The following SVEP1 variants were observed in gnomAD, a reference collection of about 807,000 sequenced individuals.
SVEP1 encodes the protein sushi, von Willebrand factor type A, EGF and pentraxin domain-containing protein 1.
SVEP1 carries 164 observed loss-of-function variants against 367.3 expected under a neutral mutation model. The observed-to-expected ratio is 0.45, with a 90% CI of 0.39 to 0.51. SVEP1 has a LOEUF of 0.51. Among genes scored for constraint, SVEP1 ranks in the 20% least tolerant of loss-of-function variants. The pLI, the probability that SVEP1 is intolerant of heterozygous loss-of-function variation, is 0.00. For synonymous variants in SVEP1, 1,666 were observed against 1,611.6 expected (o/e 1.03, Z -0.81); for missense variants, 4,117 against 4,425.3 (o/e 0.93, Z 1.98).
At chr9:110,441,949 C>T (rs984702968) in intron 27 of SVEP1, among the ~76,000 whole-genome samples, 3 of 152,200 alleles carry the variant, frequency 2.0e-5, no homozygotes, top group Admixed American at 6.5e-5. Flanking sequence ...CATGGCTTTA[C>T]GTGATTTGGC....
intron 3 of SVEP1, among the ~76,000 whole-genome samples, chr9:110,514,998 AG>A (rs1829781988): frequency 1.3e-5 from 2 of 152,256 alleles, no homozygotes; most frequent in African/African-American, 4.8e-5. Context: ...TGAAGAAAAA[AG>A]AATTAAAGAC....
At chr9:110,401,593 T>C (rs1461299576) in intron 39 of SVEP1, among the ~76,000 whole-genome samples, 1 of 150,474 alleles carries the variant, frequency 6.6e-6, no homozygotes, top group Non-Finnish European at 1.5e-5. Context: ...ATAAATTTTA[T>C]AAAGAAATCC....
intron 43 of SVEP1, among the ~76,000 whole-genome samples, chr9:110,384,242 C>A (rs1165816919): frequency 6.6e-6 from 1 of 152,160 alleles, no homozygotes; most frequent in Non-Finnish European, 1.5e-5. Context: ...TGGGGTAGCA[C>A]AATCACTCAC....
At chr9:110,423,296 C>G (rs958239958) in intron 36 of SVEP1, among the ~76,000 whole-genome samples, 3 of 151,266 alleles carry the variant, frequency 2.0e-5, no homozygotes, top group African/African-American at 7.3e-5. Flanking sequence ...ATTCATGACT[C>G]TTGCTGGAAA....
chr9:110,397,923 T>C (rs1042936249), intron 40 of SVEP1, among the ~76,000 whole-genome samples: 4 of 151,598 alleles, frequency 2.6e-5, no homozygotes, highest in Non-Finnish European at 5.9e-5. Flanking sequence ...CTGCCCAAGG[T>C]AATTTATAGA....
At chr9:110,546,867 A>T (rs1024583337) in intron 2 of SVEP1, among the ~76,000 whole-genome samples, 2 of 152,238 alleles carry the variant, frequency 1.3e-5, no homozygotes, top group Admixed American at 1.3e-4. Flanking sequence ...GCAATAACTC[A>T]GGCAGACCTG....
chr9:110,492,445 A>AT (rs142611872), intron 8 of SVEP1, among the ~76,000 whole-genome samples: 4,564 of 151,388 alleles, frequency 0.03, 232 homozygotes, highest in African/African-American at 0.1. Context: ...AGATACTCTT[A>AT]TTTTTTTTGC....
At position 110,408,640 on chromosome 9, in the gene SVEP1, AGGCATGCACTTTG is replaced by A; in HGVS notation, c.6947_6959del (p.Pro2316LeufsTer14). On this transcript the variant is annotated frameshift_variant, in exon 38 of 48. Transcript: ENST00000374469. LOFTEE classifies it high-confidence loss of function. ...AGAGGGGCGGCTCTGGGCACTTGGC[AGGCATGCACTTTG>A]GATTTGACTTCTTATTCCATTTGCC... 1 of 1,614,046 alleles carries A rather than the reference AGGCATGCACTTTG, an allele frequency of 6.2e-7. No homozygotes were observed. The highest frequency in any genetic ancestry group is 8.5e-7 in the Non-Finnish European group (1 of 1,179,908).
At chr9:110,381,903 A>G (rs565765561) in intron 43 of SVEP1, among the ~76,000 whole-genome samples, 11 of 152,310 alleles carry the variant, frequency 7.2e-5, no homozygotes, top group Non-Finnish European at 1.5e-4. Context: ...TAGGATAGTT[A>G]GTTCTTCTTC....
At position 110,476,408 on chromosome 9, in the gene SVEP1, A is replaced by T. The variant is rs1829097357; in HGVS notation, c.2488-93T>A. 5.5e-6 allele frequency: 5 copies of T among 915,334 alleles called. No homozygotes were observed. The South Asian group carries it at 6.8e-5, about 12-fold the overall frequency. The allele number at this position is 915,334 out of a possible 1,614,324, so 56.7% of individuals were successfully genotyped here. Reference sequence around the variant, plus strand: ...CTCCCCTGGCCTTCACGTCTCCATCAGCAGGAGGGAAGGGAGGGCCCCAGA... The same window carrying T: ...CTCCCCTGGCCTTCACGTCTCCATCTGCAGGAGGGAAGGGAGGGCCCCAGA... On this transcript the variant is annotated intron_variant, in intron 13 of 47. Transcript: ENST00000374469.
chr9:110,483,556 A>G, intron 10 of SVEP1, 30 bp downstream of exon 10: 1 of 1,536,768 alleles, frequency 6.5e-7, no homozygotes, highest in East Asian at 2.3e-5. Context: ...CATTGCTACT[A>G]TGCTGACAAC....
At chr9:110,518,814 G>T (rs1460795056) in intron 3 of SVEP1, among the ~76,000 whole-genome samples, 1 of 151,966 alleles carries the variant, frequency 6.6e-6, no homozygotes, top group African/African-American at 2.4e-5. Context: ...TAGTCCCTTG[G>T]CCTTACCTCT....
Position 110,472,444 on chromosome 9 carries a change from A to G in SVEP1, c.2600-121T>C, listed in dbSNP as rs1481897028. On this transcript the variant is annotated intron_variant, in intron 14 of 47. Coordinates refer to ENST00000374469, the MANE Select transcript of SVEP1 (RefSeq NM_153366.4). ...CCATTTCCTCAAATGCCCATAACATACTGCATACAGGGTTTGGTCTACAAT... is the reference window on the plus strand; with the variant it reads ...CCATTTCCTCAAATGCCCATAACATGCTGCATACAGGGTTTGGTCTACAAT... 2.4e-5 allele frequency: 22 copies of G among 910,032 alleles called. No homozygotes were observed. In the African/African-American group the frequency reaches 3.7e-4, roughly 15 times the overall value. The allele number at this position is 910,032 out of a possible 1,614,324, so 56.4% of individuals were successfully genotyped here. A position where few individuals can be genotyped will look rare whatever the true frequency, so the allele number is the denominator to read the frequency against.
At chr9:110,548,886 GC>G (rs1412793194) in intron 2 of SVEP1, among the ~76,000 whole-genome samples, 5 of 152,160 alleles carry the variant, frequency 3.3e-5, no homozygotes, top group Non-Finnish European at 7.3e-5. Flanking sequence ...ACTTTGGGAG[GC>G]CCAGGTGGGA....
chr9:110,549,003 C>T (rs1588103895), intron 2 of SVEP1, among the ~76,000 whole-genome samples: 1 of 152,120 alleles, frequency 6.6e-6, no homozygotes, highest in East Asian at 1.9e-4. Context: ...AGCTAACCCA[C>T]TTATTATGAA....
rs542077065 is a variant in SVEP1, at chr9:110,456,870, T to C, written c.3673+386A>G. On this transcript the variant is annotated intron_variant, in intron 21 of 47. Transcript: ENST00000374469. ...AGCTATTCATAAGAACTTCTATTAG[T>C]GTGTAGCAAATCAGAGAAGCTGCCA... Among the ~76,000 whole-genome samples the C allele has an allele frequency of 4.0e-3, 610 of 152,280 alleles. 3 individuals carry two copies. Among genetic ancestry groups the C allele is most frequent in the Non-Finnish European group, 6.4e-3 (438 of 68,006 alleles).
intron 38 of SVEP1, among the ~76,000 whole-genome samples, chr9:110,405,115 T>G (rs1396351705): frequency 1.3e-5 from 2 of 152,210 alleles, no homozygotes; most frequent in Non-Finnish European, 2.9e-5. Context: ...TTACTTTAAG[T>G]GTTTTTGATG....
chr9:110,367,595 G>A (rs1254809326), intron 47 of SVEP1, among the ~76,000 whole-genome samples: 3 of 152,118 alleles, frequency 2.0e-5, no homozygotes, highest in Non-Finnish European at 2.9e-5. Flanking sequence ...GGAATTGCCA[G>A]ACTCTCCTCC....
In SVEP1 at chr9:110,451,059, C is replaced by T. The variant is rs182939124; in HGVS notation, c.3901+230G>A. ...TGCCTTTACACACACACACCACATA[C>T]ACAAATTATTTTTTGCTGAACCATT... On this transcript the variant is annotated intron_variant, in intron 23 of 47. Coordinates refer to ENST00000374469, the MANE Select transcript of SVEP1 (RefSeq NM_153366.4). Among the ~76,000 whole-genome samples, 193 of 152,258 alleles carry T rather than the reference C, an allele frequency of 1.3e-3. No individual in the cohort carries two copies. The Middle Eastern group carries it at 0.014, about 11-fold the overall frequency.
Sources: gnomAD v4.1 joint callset for allele counts (sites outside exome capture counted in the v4.1 genomes callset) on GRCh38, gnomAD v4.1.1 for gene constraint, MANE v1.5 for transcripts, NCBI Gene and HGNC (gene_info 2026-07-23, HGNC 2026-07-21) for gene names.